KLHL29: variants seen among roughly 807,000 people sequenced by gnomAD.
KLHL29 encodes the protein kelch like family member 29.
A neutral mutation model predicts 80.4 loss-of-function variants in KLHL29; 21 were observed. The observed-to-expected ratio is 0.26, with a 90% CI of 0.19 to 0.38. KLHL29 has a LOEUF of 0.38. Ranked by LOEUF, KLHL29 falls within the 10% of genes least tolerant of loss-of-function variation. The pLI is 1.00. For synonymous variants in KLHL29, 511 were observed against 526.8 expected (o/e 0.97, Z 0.41); for missense variants, 867 against 1,223.9 (o/e 0.71, Z 4.35).
chr2:23,476,643 T>C (rs150545352), intron 2 of KLHL29, among the ~76,000 whole-genome samples: 1 of 152,362 alleles, frequency 6.6e-6, no homozygotes, highest in East Asian at 1.9e-4. Flanking sequence ...GCCCTAACGA[T>C]GGACATTTAG....
At chr2:23,475,235 A>G (rs111650241) in intron 1 of KLHL29, among the ~76,000 whole-genome samples, 2,754 of 152,070 alleles carry the variant, frequency 0.018, 53 homozygotes, top group Middle Eastern at 0.044. Context: ...TTCAGTGTCA[A>G]TGGCTCAATG....
At chr2:23,633,852 G>C (rs1399080030) in intron 3 of KLHL29, among the ~76,000 whole-genome samples, 1 of 151,760 alleles carries the variant, frequency 6.6e-6, no homozygotes, top group Non-Finnish European at 1.5e-5. Flanking sequence ...GCAGTTCCAG[G>C]AGCCCCGTGG....
intron 2 of KLHL29, among the ~76,000 whole-genome samples, chr2:23,557,379 A>G (rs1667324432): frequency 2.6e-5 from 4 of 152,134 alleles, no homozygotes; most frequent in Admixed American, 1.3e-4. Flanking sequence ...TAAATTGAGG[A>G]ATGAAGTCTC....
intron 1 of KLHL29, among the ~76,000 whole-genome samples, chr2:23,396,477 A>G (rs984342358): frequency 6.6e-6 from 1 of 152,220 alleles, no homozygotes; most frequent in African/African-American, 2.4e-5. Context: ...GGGAAGACAT[A>G]TAAGATGACC....
intron 11 of KLHL29, among the ~76,000 whole-genome samples, chr2:23,701,934 AG>A (rs752107945): frequency 2.1e-4 from 32 of 150,306 alleles, no homozygotes; most frequent in Non-Finnish European, 3.8e-4. Flanking sequence ...GTAGCTGGGT[AG>A]CTGGGTAGCT....
chr2:23,437,576 C>G (rs1168889377), intron 1 of KLHL29, among the ~76,000 whole-genome samples: 1 of 152,178 alleles, frequency 6.6e-6, no homozygotes, highest in African/African-American at 2.4e-5. Flanking sequence ...TATAGGCTCT[C>G]CAGCATTCAC....
intron 5 of KLHL29, among the ~76,000 whole-genome samples, chr2:23,654,213 G>A (rs1396856349): frequency 1.3e-5 from 2 of 151,910 alleles, no homozygotes; most frequent in Non-Finnish European, 2.9e-5. Context: ...GCTCCTTCCT[G>A]GGAGCCTGAA....
At chr2:23,608,825 A>G (rs1202813186) in intron 3 of KLHL29, among the ~76,000 whole-genome samples, 2 of 152,214 alleles carry the variant, frequency 1.3e-5, no homozygotes, top group Non-Finnish European at 2.9e-5. Flanking sequence ...TTTTCTACGA[A>G]TACTTATATG....
At chr2:23,442,282 G>A (rs1282008694) in intron 1 of KLHL29, among the ~76,000 whole-genome samples, 2 of 151,974 alleles carry the variant, frequency 1.3e-5, no homozygotes, top group East Asian at 1.9e-4. Context: ...TTGTAGATAT[G>A]GGGTCTCCCT....
intron 1 of KLHL29, among the ~76,000 whole-genome samples, chr2:23,431,889 G>A (rs1663191948): frequency 8.4e-6 from 1 of 119,338 alleles, no homozygotes. Context: ...GCGACAGAGT[G>A]AGACTCCATC....
In KLHL29 at chr2:23,682,755, C is replaced by T. The variant is rs572326899; in HGVS notation, c.941-1644C>T. On this transcript the variant is annotated intron_variant, in intron 5 of 13. Transcript: ENST00000486442. The surrounding 1 kb of genome is among the most constrained non-coding windows in gnomAD (Gnocchi z 4.1). ...GGTCTCTGTCTGTAGCTCCCACCCC[C>T]CTTGCTCCGGGTCTGAGCTCACCCC... Among the ~76,000 whole-genome samples the T allele has an allele frequency of 4.6e-5, 7 of 152,310 alleles. No individual in the cohort carries two copies. The highest frequency in any genetic ancestry group is 2.1e-4 in the South Asian group (1 of 4,826).
At chr2:23,587,475 A>G (rs890071235) in intron 3 of KLHL29, among the ~76,000 whole-genome samples, 1 of 152,022 alleles carries the variant, frequency 6.6e-6, no homozygotes, top group Non-Finnish European at 1.5e-5. Flanking sequence ...CCACCAGGAG[A>G]GCCCAGCCTC....
At chr2:23,414,608 C>T (rs1194070883) in intron 1 of KLHL29, among the ~76,000 whole-genome samples, 1 of 152,094 alleles carries the variant, frequency 6.6e-6, no homozygotes, top group Non-Finnish European at 1.5e-5. Flanking sequence ...GAGCCTCTTT[C>T]CCCCAAAGGT....
intron 1 of KLHL29, among the ~76,000 whole-genome samples, chr2:23,422,743 G>GTCTGTGTGTCTGTGTC (rs1662857068): frequency 6.6e-6 from 1 of 151,566 alleles, no homozygotes; most frequent in Non-Finnish European, 1.5e-5. Flanking sequence ...GCCCGTGTGT[G>GTCTGTGTGTCTGTGTC]TCTGTGTGTC....
chr2:23,463,062 G>C (rs1346265372), intron 1 of KLHL29, among the ~76,000 whole-genome samples: 5 of 145,358 alleles, frequency 3.4e-5, no homozygotes, highest in Admixed American at 1.4e-4. Flanking sequence ...GGGCAGCTTT[G>C]CCTCCCATGT....
chr2:23,663,273 C>T (rs1310599325), intron 5 of KLHL29, among the ~76,000 whole-genome samples: 8 of 152,226 alleles, frequency 5.3e-5, no homozygotes, highest in Non-Finnish European at 8.8e-5. Context: ...GTGTGCTTAT[C>T]TTGAGTTTAT....
chr2:23,633,818 T>G (rs1355055780), intron 3 of KLHL29, among the ~76,000 whole-genome samples: 2 of 150,684 alleles, frequency 1.3e-5, no homozygotes, highest in Admixed American at 6.6e-5. Context: ...GGAAGCTCCG[T>G]GCTATGCTGA....
chr2:23,585,907 G>A (rs984113160), intron 3 of KLHL29, among the ~76,000 whole-genome samples: 3 of 152,198 alleles, frequency 2.0e-5, no homozygotes, highest in Admixed American at 6.5e-5. Context: ...TAGACCAGGC[G>A]AAGCTCAGGA....
At position 23,642,670 on chromosome 2, in the gene KLHL29, A is replaced by G. The variant is rs1163366808; in HGVS notation, c.760A>G (p.Asn254Asp). The G allele has an allele frequency of 1.3e-6, 2 of 1,547,922 alleles. No individual in the cohort carries two copies. The highest frequency in any genetic ancestry group is 2.7e-5 in the African/African-American group (2 of 72,978). The change falls in exon 5 of 14, where the codon AAC becomes GAC. Residue 254 changes from asparagine to aspartate, a missense_variant. Transcript: ENST00000486442. ...VARPGPTAVG[N>D]GHMAGPLLPP... Reference sequence around the variant, plus strand: ...CCGCCCAGGACCCACCGCTGTGGGCAACGGCCACATGGCAGGGCCCCTGCT... The same window carrying G: ...CCGCCCAGGACCCACCGCTGTGGGCGACGGCCACATGGCAGGGCCCCTGCT...
Sources: allele counts gnomAD v4.1 joint callset (sites outside exome capture counted in the v4.1 genomes callset), GRCh38; gene constraint gnomAD v4.1.1; non-coding constraint Gnocchi (gnomAD v3.1); transcripts MANE v1.5; gene names NCBI Gene and HGNC (gene_info 2026-07-23, HGNC 2026-07-21).